PTPRE: variants seen among roughly 807,000 people sequenced by gnomAD.
PTPRE encodes the protein receptor-type tyrosine-protein phosphatase epsilon.
In PTPRE, 51 loss-of-function variants were observed where a neutral mutation model predicts 102.0. The ratio of observed to expected loss-of-function variants is 0.50; its 90% CI spans 0.40 to 0.63. The LOEUF (loss-of-function observed/expected upper bound fraction) is 0.63, where lower values mean the gene tolerates loss of function less well. PTPRE is among the 30% of genes least tolerant of loss of function. PTPRE has a pLI of 0.00. For missense variants in PTPRE, 752 were observed against 915.1 expected (o/e 0.82, Z 2.30); for synonymous variants, 345 against 348.2 (o/e 0.99, Z 0.10).
At chr10:127,956,592 G>A (rs12416242) in intron 1 of PTPRE, among the ~76,000 whole-genome samples, 14,329 of 152,302 alleles carry the variant, frequency 0.094, 824 homozygotes, top group Middle Eastern at 0.15. Context: ...CAAATGCCAA[G>A]GAGTGCAATT....
intron 17 of PTPRE, among the ~76,000 whole-genome samples, chr10:128,074,138 GT>G (rs764906081): frequency 4.6e-5 from 7 of 152,114 alleles, no homozygotes; most frequent in Non-Finnish European, 1.0e-4. Context: ...CTGACTATGG[GT>G]TTGTCTATTC....
At chr10:128,072,070 A>T in intron 15 of PTPRE, 68 bp from the exon 16 acceptor site, 1 of 1,340,406 alleles carries the variant, frequency 7.5e-7, no homozygotes, top group African/African-American at 1.5e-5. Context: ...GCAAGCTTGT[A>T]GCAATGGATT....
chr10:128,070,982 C>T lies in PTPRE; in HGVS notation c.1387+81C>T, dbSNP rs532388421. On this transcript the variant is annotated intron_variant, in intron 15 of 20. Coordinates refer to ENST00000254667, the MANE Select transcript of PTPRE (RefSeq NM_006504.6). The surrounding 1 kb of genome is among the most constrained non-coding windows in gnomAD (Gnocchi z 4.8). ...CTTTCATCCTGGAGAAGCCATTGAC[C>T]GCTTACCCCTGTGCACCAGGGTCAA... 7.1e-5 allele frequency: 98 copies of T among 1,389,778 alleles called. No homozygotes were observed. Among genetic ancestry groups the T allele is most frequent in the Middle Eastern group, 6.6e-4 (3 of 4,538 alleles). The allele number at this position is 1,389,778 out of a possible 1,614,324, so 86.1% of individuals were successfully genotyped here. A position where few individuals can be genotyped will look rare whatever the true frequency, so the allele number is the denominator to read the frequency against.
At chr10:127,953,211 C>T (rs750498965) in intron 1 of PTPRE, among the ~76,000 whole-genome samples, 3 of 152,216 alleles carry the variant, frequency 2.0e-5, no homozygotes, top group Non-Finnish European at 4.4e-5. Context: ...CTGCTCTGCC[C>T]CTTGGGCCAT....
At chr10:128,049,382 C>A in intron 5 of PTPRE, 148 bp from the exon 6 acceptor site, 1 of 980,396 alleles carries the variant, frequency 1.0e-6, no homozygotes, top group Non-Finnish European at 1.5e-6. Context: ...CTGCTCGGGA[C>A]CCGGCTTAGC....
chr10:128,041,312 C>T (rs1016311053), intron 3 of PTPRE, among the ~76,000 whole-genome samples: 3 of 152,046 alleles, frequency 2.0e-5, no homozygotes, highest in African/African-American at 7.2e-5. Context: ...CAACCATGAA[C>T]ATACATGGAT....
intron 1 of PTPRE, chr10:127,965,115 C>A (rs373247519): frequency 3.3e-5 from 13 of 388,536 alleles, no homozygotes; most frequent in African/African-American, 2.7e-4. Flanking sequence ...ATCATTATTA[C>A]AAGTTGGCTT....
intron 1 of PTPRE, among the ~76,000 whole-genome samples, chr10:127,979,750 C>T (rs1161715547): frequency 6.6e-6 from 1 of 152,170 alleles, no homozygotes; most frequent in Non-Finnish European, 1.5e-5. Flanking sequence ...ATCGTGCAAC[C>T]ATTGGCAAAG....
rs917285452 is a variant in PTPRE, at chr10:127,915,240, A to G, written c.-31+7931A>G. On this transcript the variant is annotated intron_variant, in intron 1 of 20. Coordinates refer to ENST00000254667, the MANE Select transcript of PTPRE (RefSeq NM_006504.6). ...AAAAGAAACTTCTGTTTCCAGCCAC[A>G]TTATTTCAAATCATCCCAAAACTTA... 3.3e-5 allele frequency among the ~76,000 whole-genome samples: 5 copies of G among 152,324 alleles called. No individual in the cohort carries two copies. The East Asian group carries it at 9.6e-4, about 29-fold the overall frequency.
At chr10:127,910,871 G>GC (rs142893172) in intron 1 of PTPRE, among the ~76,000 whole-genome samples, 1,703 of 152,226 alleles carry the variant, frequency 0.011, 38 homozygotes, top group African/African-American at 0.036. Flanking sequence ...ATCACTTGAG[G>GC]CCAGGAATTC....
At chr10:128,077,932 C>A in intron 19 of PTPRE, 149 bp downstream of exon 19, 1 of 787,026 alleles carries the variant, frequency 1.3e-6, no homozygotes, top group Non-Finnish European at 1.9e-6. Flanking sequence ...CACACATGCA[C>A]ACACGACTTC....
At chr10:128,068,420 T>G (rs1850472756) in intron 12 of PTPRE, 134 bp downstream of exon 12, 1 of 1,006,310 alleles carries the variant, frequency 9.9e-7, no homozygotes, top group African/African-American at 1.6e-5. Flanking sequence ...AACACAAATG[T>G]CAGTGACTGA....
At chr10:128,000,336 G>A (rs529988037) in intron 2 of PTPRE, among the ~76,000 whole-genome samples, 8 of 152,180 alleles carry the variant, frequency 5.3e-5, no homozygotes, top group South Asian at 2.1e-4. Context: ...TTTTGGACCC[G>A]CACCCTTCAA....
chr10:128,070,769 A>G lies in PTPRE; in HGVS notation c.1294-39A>G, dbSNP rs369440636. ...GCTGAGCAATGTGCTCAGGAGTGTCAGAGGTTTAACTGTGTCATTATATCC... is the reference window on the plus strand; with the variant it reads ...GCTGAGCAATGTGCTCAGGAGTGTCGGAGGTTTAACTGTGTCATTATATCC... On this transcript the variant is annotated intron_variant, in intron 14 of 20. Coordinates refer to ENST00000254667, the MANE Select transcript of PTPRE (RefSeq NM_006504.6). This position sits in a 1 kb window ranked among gnomAD's most constrained non-coding sequence, Gnocchi z 4.8. 76 of 1,587,068 alleles carry G rather than the reference A, an allele frequency of 4.8e-5. No individual in the cohort carries two copies. The highest frequency in any genetic ancestry group is 4.1e-4 in the South Asian group (37 of 90,128).
At chr10:128,058,226 A>G (rs1402558391) in intron 7 of PTPRE, among the ~76,000 whole-genome samples, 1 of 152,222 alleles carries the variant, frequency 6.6e-6, no homozygotes, top group Non-Finnish European at 1.5e-5. Context: ...CCCAGGGCAG[A>G]GCAGTGGCCT....
chr10:127,970,164 G>T (rs948296962), intron 1 of PTPRE, among the ~76,000 whole-genome samples: 1 of 152,146 alleles, frequency 6.6e-6, no homozygotes, highest in African/African-American at 2.4e-5. Flanking sequence ...CACACTCCCA[G>T]ACTCCAGCTG....
chr10:127,954,563 G>A (rs373359825), intron 1 of PTPRE, among the ~76,000 whole-genome samples: 5 of 152,258 alleles, frequency 3.3e-5, no homozygotes, highest in Middle Eastern at 3.4e-3. Context: ...GCTCATGCTC[G>A]TGGAATTCAC....
At chr10:127,966,458 T>C (rs1010495263) in intron 1 of PTPRE, among the ~76,000 whole-genome samples, 4 of 152,192 alleles carry the variant, frequency 2.6e-5, no homozygotes, top group South Asian at 2.1e-4. Flanking sequence ...TCAGTATTTA[T>C]TGAGCCTGTG....
intron 2 of PTPRE, among the ~76,000 whole-genome samples, chr10:128,014,216 T>C (rs916297796): frequency 6.6e-6 from 1 of 152,068 alleles, no homozygotes; most frequent in African/African-American, 2.4e-5. Flanking sequence ...TGGCAGAGGG[T>C]GCGTCCCCTC....
Sources: gnomAD v4.1 joint callset for allele counts (sites outside exome capture counted in the v4.1 genomes callset) on GRCh38, gnomAD v4.1.1 for gene constraint, Gnocchi (gnomAD v3.1) non-coding constraint, MANE v1.5 for transcripts, NCBI Gene and HGNC (gene_info 2026-07-23, HGNC 2026-07-21) for gene names.